The following DNAH12 variants were observed in gnomAD, a reference collection of about 807,000 sequenced individuals.
DNAH12 encodes dynein axonemal heavy chain 12, also known as axonemal beta dynein heavy chain 12.
Under a neutral mutation model 371.5 loss-of-function variants are expected in DNAH12, and 285 were observed. The observed-to-expected ratio is 0.77, with a 90% CI of 0.70 to 0.85. The LOEUF (loss-of-function observed/expected upper bound fraction) is 0.85, where lower values mean the gene tolerates loss of function less well. DNAH12 is among the 40% of genes least tolerant of loss of function. The probability of loss-of-function intolerance (pLI) is 0.00; values close to 1 mark genes in which losing one functional copy is unlikely to be tolerated. For synonymous variants in DNAH12, 1,200 were observed against 1,213.0 expected, an observed-to-expected ratio of 0.99 and a Z score of 0.22; for missense variants, 3,611 against 3,689.4, an observed-to-expected ratio of 0.98 and a Z score of 0.55.
At chr3:57,379,817 G>T (rs2063349935) in intron 51 of DNAH12, among the ~76,000 whole-genome samples, 1 of 130,656 alleles carries the variant, frequency 7.7e-6, no homozygotes, top group Non-Finnish European at 1.6e-5. Context: ...CTCCAGCCTG[G>T]GTGACAGAAT....
Position 57,510,824 on chromosome 3 carries a change from T to G in DNAH12, c.435A>C (p.Ser145=). The G allele has an allele frequency of 6.2e-7, 1 of 1,614,070 alleles. No individual in the cohort carries two copies. The highest frequency in any genetic ancestry group is 1.6e-4 in the Middle Eastern group (1 of 6,062). The change falls in exon 5 of 74, where the codon TCA becomes TCC. Residue 145 remains serine, a synonymous_variant. Transcript: ENST00000495027. ...TCTTCATGCTGTTTTCAAAGTCACT[T>G]GACACCTCATTTATGAGACTTTCAA... ...ELLESLINEV[S]SDFENSMKRY...
intron 22 of DNAH12, among the ~76,000 whole-genome samples, chr3:57,455,565 G>C (rs2065880084): frequency 1.5e-5 from 2 of 135,964 alleles, no homozygotes; most frequent in Non-Finnish European, 1.6e-5. Context: ...GTGAGACTCT[G>C]TCTCAAAAAC....
chr3:57,421,461 T>C, intron 36 of DNAH12, 57 bp downstream of exon 36: 1 of 1,504,484 alleles, frequency 6.6e-7, no homozygotes, highest in Non-Finnish European at 9.0e-7. Context: ...AGGAGCTTTG[T>C]CTGCTGGCCT....
chr3:57,501,565 G>A (rs1019232706), intron 10 of DNAH12, among the ~76,000 whole-genome samples, 153 bp from the exon 11 acceptor site: 1 of 152,006 alleles, frequency 6.6e-6, no homozygotes, highest in Non-Finnish European at 1.5e-5. Context: ...TTAAGAAAAT[G>A]GGTAGAATAA....
chr3:57,491,228 C>T (rs1032376305), intron 11 of DNAH12, among the ~76,000 whole-genome samples: 4 of 151,810 alleles, frequency 2.6e-5, no homozygotes, highest in African/African-American at 9.7e-5. Context: ...ACAAACTTAC[C>T]GTGGACAAAA....
intron 39 of DNAH12, among the ~76,000 whole-genome samples, chr3:57,410,146 C>T (rs1175456997): frequency 1.3e-5 from 2 of 152,138 alleles, no homozygotes; most frequent in Non-Finnish European, 2.9e-5. Flanking sequence ...TATTTCACTT[C>T]ATTTCATTAA....
rs1215850400 is a variant in DNAH12 at position 57,382,292 on chromosome 3, T to G, written c.7962A>C (p.Lys2654Asn). The G allele has an allele frequency of 6.6e-6, 1 of 152,152 alleles. No individual in the cohort carries two copies. The highest frequency in any genetic ancestry group is 1.5e-5 in the Non-Finnish European group (1 of 68,024). 9.4% of individuals were successfully genotyped at this position (152,152 alleles called of 1,614,324 possible). Residue 2654 changes from lysine to asparagine, a missense_variant, in exon 50 of 74, where the codon AAA becomes AAC. Transcript: ENST00000495027. ...VCVMKDIKPEKISDPSGTGGK... is the reference protein window; with the variant it reads ...VCVMKDIKPENISDPSGTGGK... Reference sequence around the variant, plus strand: ...CTCCAGTCCCTGAAGGATCTGAAATTTTTTCTGGTTTTATATCTTTCATGA... The same window carrying G: ...CTCCAGTCCCTGAAGGATCTGAAATGTTTTCTGGTTTTATATCTTTCATGA...
Position 57,387,100 on chromosome 3 carries a change from C to G in DNAH12, c.7425G>C (p.Met2475Ile), listed in dbSNP as rs1315998412. ...CTAATATTAACCTTTCTGAAAGATC[C>G]ATAATGGAGGTGTGAAAGTGTTTAC... ...PICKHFHTSI[M>I]DLSERFLHEL... Residue 2475 changes from methionine to isoleucine, a missense_variant, in exon 46 of 74, where the codon ATG (methionine) becomes ATC (isoleucine). By Grantham distance (10) the Met-to-Ile change is conservative (BLOSUM62 1). Coordinates refer to ENST00000495027, the MANE Select transcript of DNAH12 (RefSeq NM_001366028.2). 1 of 152,152 alleles carries G rather than the reference C, an allele frequency of 6.6e-6. No homozygotes were observed. Among genetic ancestry groups the G allele is most frequent in the African/African-American group, 2.4e-5 (1 of 41,444 alleles). 9.4% of individuals were successfully genotyped at this position (152,152 alleles called of 1,614,324 possible).
In DNAH12 at chr3:57,429,699, G is replaced by C; in HGVS notation, c.5056C>G (p.Gln1686Glu). 6.5e-7 allele frequency: 1 copy of C among 1,535,208 alleles called. No homozygotes were observed. The highest frequency in any genetic ancestry group is 8.8e-7 in the Non-Finnish European group (1 of 1,141,404). The change falls in exon 33 of 74, where the codon CAG (glutamine) becomes GAG (glutamate). Residue 1686 changes from glutamine to glutamate, a missense_variant. Transcript: ENST00000495027. ...TTAAATTATGAACTTACGGATGCCTGGGAAAGGTCCATTGTTTCAAAGATG... is the reference window on the plus strand; with the variant it reads ...TTAAATTATGAACTTACGGATGCCTCGGAAAGGTCCATTGTTTCAAAGATG... ...SLIFETMDLSQASPATVSRCG... is the reference protein window; with the variant it reads ...SLIFETMDLSEASPATVSRCG...
Position 57,452,922 on chromosome 3 carries a change from A to G in DNAH12, c.3707T>C (p.Val1236Ala). The G allele has an allele frequency of 1.3e-6, 2 of 1,551,470 alleles. No homozygotes were observed. The highest frequency in any genetic ancestry group is 1.7e-6 in the Non-Finnish European group (2 of 1,146,914). Residue 1236 changes from valine to alanine, a missense_variant, in exon 25 of 74, where the codon GTA becomes GCA. By Grantham distance (64) the Val-to-Ala change is moderately conservative (BLOSUM62 0). Around this residue, in one of 3 missense-constraint regions of DNAH12, gnomAD observed 2,266 missense variants for 2,236.9 expected, o/e 1.01. Transcript: ENST00000495027. ...NARVRIINCNVKYAYEYLGNS... is the reference protein window; with the variant it reads ...NARVRIINCNAKYAYEYLGNS... ...ACCAAGATATTCATAAGCATATTTT[A>G]CATTGCAATTAATGATACGAACTCG...
chr3:57,338,445 T>C (rs1268033504), intron 60 of DNAH12, among the ~76,000 whole-genome samples: 3 of 145,024 alleles, frequency 2.1e-5, no homozygotes, highest in African/African-American at 7.8e-5. Flanking sequence ...CCGCCCATCA[T>C]CTGGGATGTG....
intron 39 of DNAH12, among the ~76,000 whole-genome samples, chr3:57,410,698 C>A (rs2064173421): frequency 6.6e-6 from 1 of 151,982 alleles, no homozygotes; most frequent in Non-Finnish European, 1.5e-5. Context: ...TACCTGTAGT[C>A]CCAGCTACTT....
chr3:57,502,419 C>A lies in DNAH12; in HGVS notation c.1147G>T (p.Glu383Ter), dbSNP rs377045718. ...CAGTGTAACACGTGTTCAGGAAGTT[C>A]TGTGTCAAGATTTACTGGTGTTGAA... ...GTSTPVNLDT[E>*]LPEHVLHWAV... Residue 383 changes from glutamate (E) to a stop codon, truncating the protein, a stop_gained, in exon 10 of 74, where the codon GAA becomes TAA. Transcript: ENST00000495027. LOFTEE classifies it high-confidence loss of function. 9.9e-5 allele frequency: 160 copies of A among 1,614,034 alleles called. No homozygotes were observed. Among genetic ancestry groups the A allele is most frequent in the Non-Finnish European group, 1.3e-4 (154 of 1,180,036 alleles).
chr3:57,508,357 A>T, intron 7 of DNAH12, 25 bp downstream of exon 7: 1 of 1,568,328 alleles, frequency 6.4e-7, no homozygotes, highest in East Asian at 2.3e-5. Context: ...GAGACATTCA[A>T]ATTTTAAATT....
intron 62 of DNAH12, among the ~76,000 whole-genome samples, chr3:57,332,935 A>T (rs2062133996): frequency 6.6e-6 from 1 of 152,218 alleles, no homozygotes; most frequent in African/African-American, 2.4e-5. Context: ...AGGCTATTCT[A>T]GACCATCCTA....
At chr3:57,483,347 A>C in intron 13 of DNAH12, 29 bp downstream of exon 13, 1 of 1,538,052 alleles carries the variant, frequency 6.5e-7, no homozygotes, top group Non-Finnish European at 8.7e-7. Context: ...ATGAAAACAA[A>C]CCAAAATATG....
Position 57,361,420 on chromosome 3 carries a change from A to C in DNAH12, c.9360+2174T>G, listed in dbSNP as rs956242085. 2.9e-5 allele frequency among the ~76,000 whole-genome samples: 4 copies of C among 139,766 alleles called. 1 individual carries two copies. Among genetic ancestry groups the C allele is most frequent in the African/African-American group, 1.1e-4 (4 of 35,428 alleles). 91.7% of individuals were successfully genotyped at this position (139,766 alleles called of 152,430 possible). On this transcript the variant is annotated intron_variant, in intron 58 of 73. Coordinates refer to ENST00000495027, the MANE Select transcript of DNAH12 (RefSeq NM_001366028.2). ...ACGCACTATATATATATACACACAC[A>C]CTATATATATATACACACACACACT... is the stretch of plus-strand genomic sequence containing the variant.
intron 29 of DNAH12, among the ~76,000 whole-genome samples, chr3:57,440,322 T>C (rs562147790): frequency 6.6e-6 from 1 of 152,280 alleles, no homozygotes; most frequent in African/African-American, 2.4e-5. Context: ...TGTACATATA[T>C]ACCATGGAAT....
At chr3:57,526,876 C>A (rs952766888) in intron 2 of DNAH12, among the ~76,000 whole-genome samples, 3 of 151,410 alleles carry the variant, frequency 2.0e-5, no homozygotes, top group Non-Finnish European at 2.9e-5. Flanking sequence ...CTCTGTCACC[C>A]AGGTTGGGGT....
Sources: gnomAD v4.1 joint callset for allele counts (sites outside exome capture counted in the v4.1 genomes callset) on GRCh38, gnomAD v4.1.1 for gene constraint, gnomAD v4.1.1 regional missense constraint, MANE v1.5 for transcripts, NCBI Gene and HGNC (gene_info 2026-07-23, HGNC 2026-07-21) for gene names.